SHQ1: variants seen among roughly 807,000 people sequenced by gnomAD.
SHQ1 encodes the protein SHQ1, H/ACA ribonucleoprotein assembly factor.
A neutral mutation model predicts 53.8 loss-of-function variants in SHQ1; 49 were observed. The ratio of observed to expected loss-of-function variants is 0.91; its 90% CI spans 0.72 to 1.16. SHQ1 has a LOEUF of 1.16. SHQ1 is among the 50% of genes most tolerant of loss of function. The pLI is 0.00. For synonymous variants in SHQ1, 243 were observed against 251.0 expected (o/e 0.97, Z 0.30); for missense variants, 738 against 683.1 (o/e 1.08, Z -0.90).
At chr3:72,838,584 C>G (rs1185698180) in intron 4 of SHQ1, among the ~76,000 whole-genome samples, 1 of 152,332 alleles carries the variant, frequency 6.6e-6, no homozygotes, top group East Asian at 1.9e-4. Context: ...TCCCTGCAAC[C>G]TCTGCCTCCT....
At chr3:72,848,165 C>A in intron 1 of SHQ1, 33 bp downstream of exon 1, 1 of 1,612,802 alleles carries the variant, frequency 6.2e-7, no homozygotes, top group Non-Finnish European at 8.5e-7. Flanking sequence ...CTAACGAATG[C>A]GCCTTTCCTG....
intron 10 of SHQ1, among the ~76,000 whole-genome samples, chr3:72,768,488 T>C (rs1201648623): frequency 6.6e-6 from 1 of 152,260 alleles, no homozygotes; most frequent in Non-Finnish European, 1.5e-5. Context: ...AACTCGGTTT[T>C]ACAGGTTTTT....
chr3:72,824,284 T>C (rs1363106053), intron 6 of SHQ1, 140 bp downstream of exon 6: 3 of 1,013,878 alleles, frequency 3.0e-6, no homozygotes, highest in Non-Finnish European at 4.1e-6. Context: ...AAGAAGTCAT[T>C]TCCAAAATTA....
intron 10 of SHQ1, among the ~76,000 whole-genome samples, chr3:72,768,358 G>A (rs1372983437): frequency 6.6e-6 from 1 of 152,156 alleles, no homozygotes; most frequent in Non-Finnish European, 1.5e-5. Context: ...GGAGCCTGAG[G>A]AATACCAAGT....
At chr3:72,798,702 T>C (rs765236008) in intron 9 of SHQ1, among the ~76,000 whole-genome samples, 9 of 152,100 alleles carry the variant, frequency 5.9e-5, no homozygotes, top group Non-Finnish European at 1.2e-4. Context: ...TAGAGCAGGG[T>C]TGGGAATAAT....
At chr3:72,752,829 T>A (rs76484477) in intron 10 of SHQ1, 2 of 256,138 alleles carry the variant, frequency 7.8e-6, no homozygotes, top group African/African-American at 2.4e-5. Flanking sequence ...GCCCAGCTAA[T>A]TTTTTTTGTA....
chr3:72,825,893 C>A (rs1022320236), intron 5 of SHQ1, among the ~76,000 whole-genome samples: 5 of 152,158 alleles, frequency 3.3e-5, no homozygotes, highest in African/African-American at 1.2e-4. Context: ...AGACAACTTA[C>A]GGAGTTCTTT....
intron 10 of SHQ1, among the ~76,000 whole-genome samples, chr3:72,782,006 T>C (rs1706088682): frequency 6.6e-6 from 1 of 152,114 alleles, no homozygotes; most frequent in South Asian, 2.1e-4. Flanking sequence ...AAATAAATAC[T>C]CTAAATCACA....
At chr3:72,752,193 C>A (rs1261787081) in intron 10 of SHQ1, among the ~76,000 whole-genome samples, 1 of 152,146 alleles carries the variant, frequency 6.6e-6, no homozygotes. Context: ...TGCTTAGCAA[C>A]ACAAAAGGCT....
intron 10 of SHQ1, among the ~76,000 whole-genome samples, chr3:72,757,320 C>A (rs1705516275): frequency 6.6e-6 from 1 of 151,330 alleles, no homozygotes; most frequent in African/African-American, 2.4e-5. Flanking sequence ...TCATAGCATA[C>A]AAAACACACA....
chr3:72,841,311 A>G (rs1394634337), intron 3 of SHQ1, 112 bp from the exon 4 acceptor site: 1 of 774,474 alleles, frequency 1.3e-6, no homozygotes, highest in African/African-American at 1.8e-5. Flanking sequence ...CATATACCAA[A>G]TGTACTAAAA....
intron 4 of SHQ1, 131 bp downstream of exon 4, chr3:72,840,914 G>C: frequency 9.5e-7 from 1 of 1,057,222 alleles, no homozygotes; most frequent in Non-Finnish European, 1.4e-6. Context: ...CTTTAGCTGT[G>C]CTAAGTGCTT....
intron 10 of SHQ1, among the ~76,000 whole-genome samples, chr3:72,758,726 C>T (rs1199363700): frequency 2.0e-5 from 3 of 152,036 alleles, no homozygotes; most frequent in Non-Finnish European, 4.4e-5. Flanking sequence ...CTCACCACCA[C>T]GCCCGGCTAA....
intron 10 of SHQ1, among the ~76,000 whole-genome samples, chr3:72,791,421 A>T (rs2106790604): frequency 6.6e-6 from 1 of 152,330 alleles, no homozygotes; most frequent in South Asian, 2.1e-4. Context: ...GTTATTAGGC[A>T]TTATCTTGAG....
At chr3:72,782,575 A>T (rs1428343809) in intron 10 of SHQ1, among the ~76,000 whole-genome samples, 1 of 152,198 alleles carries the variant, frequency 6.6e-6, no homozygotes, top group Non-Finnish European at 1.5e-5. Context: ...CCTTTGCAAC[A>T]TGCTGGGAAT....
intron 6 of SHQ1, among the ~76,000 whole-genome samples, chr3:72,823,233 A>G (rs114087381): frequency 7.4e-4 from 113 of 152,220 alleles, no homozygotes; most frequent in Non-Finnish European, 1.4e-3. Context: ...ATATTATAGT[A>G]GCAATTTTTT....
intron 10 of SHQ1, chr3:72,753,531 T>C (rs1705434174): frequency 1.0e-6 from 1 of 985,226 alleles, no homozygotes; most frequent in Admixed American, 6.2e-5. Flanking sequence ...GAAGCACCAC[T>C]GCAGTGTCCA....
intron 3 of SHQ1, 71 bp from the exon 4 acceptor site, chr3:72,841,270 G>A: frequency 2.7e-5 from 31 of 1,168,228 alleles, no homozygotes; most frequent in Middle Eastern, 2.7e-4. Context: ...AAAAGTATAG[G>A]AAAAAATGCC....
chr3:72,778,378 G>A (rs1226907240), intron 10 of SHQ1, among the ~76,000 whole-genome samples: 1 of 151,972 alleles, frequency 6.6e-6, no homozygotes, highest in East Asian at 1.9e-4. Context: ...GAGCTCAGGA[G>A]TTTGAGGCTG....
Sources: allele counts gnomAD v4.1 joint callset (sites outside exome capture counted in the v4.1 genomes callset), GRCh38; gene constraint gnomAD v4.1.1; transcripts MANE v1.5; gene names NCBI Gene and HGNC (gene_info 2026-07-23, HGNC 2026-07-21).